Variants in GPC5 observed in about 807,000 individuals in gnomAD.
The protein encoded by GPC5 is glypican-5.
In GPC5, 47 loss-of-function variants were observed where a neutral mutation model predicts 53.9. That is an observed-to-expected ratio of 0.87 (90% CI 0.69 to 1.11). The LOEUF is 1.11. GPC5 is among the 50% of genes most tolerant of loss of function. The pLI is 0.00. For synonymous variants in GPC5, 286 were observed against 263.3 expected (o/e 1.09, Z -0.84); for missense variants, 748 against 713.1 (o/e 1.05, Z -0.56).
At chr13:91,793,943 G>A (rs1337536411) in intron 5 of GPC5, among the ~76,000 whole-genome samples, 3 of 152,116 alleles carry the variant, frequency 2.0e-5, no homozygotes, top group African/African-American at 7.2e-5. Context: ...AGATTTGGGT[G>A]GTGACACAGA....
rs1439533116 is a variant in GPC5, at chr13:91,913,757, G to A, written c.1401+5700G>A. On this transcript the variant is annotated intron_variant, in intron 6 of 7. Coordinates refer to ENST00000377067, the MANE Select transcript of GPC5 (RefSeq NM_004466.6). ...GTCAGCCATTGTGCAAATTCTCAGA[G>A]TTGCTTTCTGGCACTTTCCTGCATT... is the stretch of plus-strand genomic sequence containing the variant. Among the ~76,000 whole-genome samples, 2 of 152,140 alleles carry A rather than the reference G, an allele frequency of 1.3e-5. 1 individual carries two copies. The highest frequency in any genetic ancestry group is 4.1e-4 in the South Asian group (2 of 4,828).
chr13:91,773,155 A>T (rs1220657583), intron 5 of GPC5, among the ~76,000 whole-genome samples: 1 of 152,146 alleles, frequency 6.6e-6, no homozygotes, highest in Non-Finnish European at 1.5e-5. Context: ...ACACAGACAG[A>T]ATTTTAAGTA....
rs533047221 is a variant in GPC5 at position 92,144,845 on chromosome 13, T to C, written c.1417T>C (p.Ser473Pro). Residue 473 changes from serine to proline, a missense_variant, in exon 7 of 8, where the codon TCA becomes CCA. Physicochemically the swap from Ser to Pro is moderately conservative, Grantham distance 74. Transcript: ENST00000377067. ...KHVVQLLQGR[S>P]PKPDKWELLQ... is the part of the protein sequence containing the mutation. ...GTACAATTAGTTGTTACAGGGTAGA[T>C]CACCCAAACCTGACAAGTGGGAACT... The C allele has an allele frequency of 6.2e-7, 1 of 1,611,590 alleles. No homozygotes were observed. The highest frequency in any genetic ancestry group is 8.5e-7 in the Non-Finnish European group (1 of 1,178,760).
chr13:91,414,673 A>G (rs1477925845), intron 1 of GPC5, among the ~76,000 whole-genome samples: 1 of 152,214 alleles, frequency 6.6e-6, no homozygotes, highest in East Asian at 1.9e-4. Context: ...TGGCTTTTGC[A>G]TAGTTTTTTC....
chr13:92,305,402 CTG>C (rs2043104174), intron 7 of GPC5, among the ~76,000 whole-genome samples: 1 of 152,162 alleles, frequency 6.6e-6, no homozygotes, highest in Admixed American at 6.5e-5. Context: ...GTCAACAAAA[CTG>C]TGTGTTATAG....
chr13:92,200,189 T>A (rs2042284286), intron 7 of GPC5, among the ~76,000 whole-genome samples: 1 of 47,660 alleles, frequency 2.1e-5, no homozygotes, highest in African/African-American at 1.1e-4. Context: ...CCAAATAAAA[T>A]TTTTCTCACG....
chr13:92,731,116 A>G (rs1360350638), intron 7 of GPC5, among the ~76,000 whole-genome samples: 2 of 151,502 alleles, frequency 1.3e-5, no homozygotes, highest in Non-Finnish European at 3.0e-5. Context: ...CCACTAGTCC[A>G]AGGAAAAGAG....
intron 2 of GPC5, among the ~76,000 whole-genome samples, chr13:91,485,576 A>G (rs1883563000): frequency 6.6e-6 from 1 of 152,192 alleles, no homozygotes; most frequent in African/African-American, 2.4e-5. Flanking sequence ...GTTGGAACAG[A>G]AAAGATTAAA....
intron 4 of GPC5, among the ~76,000 whole-genome samples, chr13:91,739,463 T>A (rs1471939839): frequency 6.6e-6 from 1 of 151,444 alleles, no homozygotes; most frequent in Non-Finnish European, 1.5e-5. Flanking sequence ...TATTTTCTGT[T>A]AGGAATTTGG....
intron 7 of GPC5, among the ~76,000 whole-genome samples, chr13:92,406,011 A>C (rs1388537571): frequency 6.6e-6 from 1 of 152,186 alleles, no homozygotes; most frequent in Non-Finnish European, 1.5e-5. Flanking sequence ...ATTATGACTA[A>C]AGTATATACC....
At chr13:92,467,697 G>A (rs1002428493) in intron 7 of GPC5, among the ~76,000 whole-genome samples, 3 of 152,036 alleles carry the variant, frequency 2.0e-5, no homozygotes, top group Non-Finnish European at 4.4e-5. Flanking sequence ...CTCTAGAGTC[G>A]TATTTTTAAC....
chr13:91,788,603 C>A (rs1361863728), intron 5 of GPC5, among the ~76,000 whole-genome samples: 1 of 152,026 alleles, frequency 6.6e-6, no homozygotes, highest in Non-Finnish European at 1.5e-5. Flanking sequence ...TATTTTGCTA[C>A]TTGTTAAACA....
At chr13:92,532,541 C>T (rs117294432) in intron 7 of GPC5, among the ~76,000 whole-genome samples, 2 of 152,076 alleles carry the variant, frequency 1.3e-5, no homozygotes, top group African/African-American at 4.8e-5. Context: ...TATGTGACAC[C>T]AAATAGGATT....
At chr13:92,229,740 T>G (rs2042516249) in intron 7 of GPC5, among the ~76,000 whole-genome samples, 1 of 151,888 alleles carries the variant, frequency 6.6e-6, no homozygotes, top group Non-Finnish European at 1.5e-5. Flanking sequence ...TTTTAATTTT[T>G]CAGAGATACA....
At chr13:92,253,385 G>A (rs1269740618) in intron 7 of GPC5, among the ~76,000 whole-genome samples, 1 of 151,766 alleles carries the variant, frequency 6.6e-6, no homozygotes, top group African/African-American at 2.4e-5. Flanking sequence ...TGAGAGACCT[G>A]TCTGGGACTT....
intron 7 of GPC5, among the ~76,000 whole-genome samples, chr13:92,224,657 A>G (rs908125786): frequency 1.3e-5 from 2 of 152,190 alleles, no homozygotes; most frequent in Non-Finnish European, 2.9e-5. Context: ...GAATTTGGGT[A>G]TGTACTAGGC....
In GPC5 at chr13:92,139,846, T is replaced by A. The variant is rs1439494843; in HGVS notation, c.1402-4984T>A. 2.0e-5 allele frequency among the ~76,000 whole-genome samples: 3 copies of A among 152,074 alleles called. No homozygotes were observed. In the South Asian group the frequency reaches 6.2e-4, roughly 32 times the overall value. The stretch of plus-strand genomic sequence containing the variant: ...ACTATTCCATTAGATATAGAGGGCA[T>A]TGAAGGCAGGGTAAGCTTAAATTAT... On this transcript the variant is annotated intron_variant, in intron 6 of 7. Transcript: ENST00000377067.
chr13:91,399,231 T>A, intron 1 of GPC5, 22 bp downstream of exon 1: 1 of 1,606,946 alleles, frequency 6.2e-7, no homozygotes, highest in Non-Finnish European at 8.5e-7. Flanking sequence ...TGAGGGGGTC[T>A]CTGGACTGGC....
At position 92,564,515 on chromosome 13, in the gene GPC5, T is replaced by C. The variant is rs148873214; in HGVS notation, c.1562-301767T>C. 3.7e-3 allele frequency among the ~76,000 whole-genome samples: 560 copies of C among 152,196 alleles called. 3 individuals are homozygous for C. The highest frequency in any genetic ancestry group is 4.3e-3 in the Non-Finnish European group (290 of 67,964). ...TTATTTTTTGGTGTTTAATTAATTATTTTATAATTTCATTTTTTATTTTAA... is the reference window on the plus strand; with the variant it reads ...TTATTTTTTGGTGTTTAATTAATTACTTTATAATTTCATTTTTTATTTTAA... On this transcript the variant is annotated intron_variant, in intron 7 of 7. Transcript: ENST00000377067.
Sources: gnomAD v4.1 joint callset for allele counts (sites outside exome capture counted in the v4.1 genomes callset) on GRCh38, gnomAD v4.1.1 for gene constraint, MANE v1.5 for transcripts, NCBI Gene and HGNC (gene_info 2026-07-23, HGNC 2026-07-21) for gene names.